The following LINGO2 variants were observed in gnomAD, a reference collection of about 807,000 sequenced individuals.
LINGO2 encodes the protein leucine-rich repeat and immunoglobulin-like domain-containing nogo receptor-interacting protein 2.
In LINGO2, 14 loss-of-function variants were observed where a neutral mutation model predicts 30.6. The ratio of observed to expected loss-of-function variants is 0.46; its 90% confidence interval spans 0.30 to 0.72. The LOEUF is 0.72. Ranked by LOEUF, LINGO2 falls within the 30% of genes least tolerant of loss-of-function variation. The pLI is 0.07. For synonymous variants in LINGO2, 317 were observed against 288.5 expected (o/e 1.10, Z -1.00); for missense variants, 729 against 751.7 (o/e 0.97, Z 0.35).
chr9:28,148,398 A>T lies in LINGO2; in HGVS notation c.-86-135993T>A. On this transcript the variant is annotated intron_variant, in intron 4 of 5. Transcript: ENST00000379992. This position sits in a 1 kb window ranked among gnomAD's most constrained non-coding sequence, Gnocchi z 5.1. ...TTTAACCTTCAACTTCCTTCATTAG[A>T]TGAGCAGGTGATCCCAGCCAGGCTC... The T allele has an allele frequency of 4.0e-6, 5 of 1,257,224 alleles. No homozygotes were observed. Among genetic ancestry groups the T allele is most frequent in the East Asian group, 2.5e-5 (1 of 39,476 alleles). The allele number at this position is 1,257,224 out of a possible 1,614,324, so 77.9% of individuals were successfully genotyped here. A position where few individuals can be genotyped will look rare whatever the true frequency, so the allele number is the denominator to read the frequency against.
chr9:28,419,147 G>A (rs1248265019), intron 2 of LINGO2, among the ~76,000 whole-genome samples: 5 of 151,788 alleles, frequency 3.3e-5, no homozygotes, highest in East Asian at 1.9e-4. Context: ...TTTATAGTTC[G>A]TGTTGTTTTA....
At chr9:28,897,808 G>T in the LINGO2 span, among the ~76,000 whole-genome samples, 2 of 152,044 alleles carry the variant, frequency 1.3e-5, no homozygotes, top group Non-Finnish European at 2.9e-5. Context: ...TCCCACTTAT[G>T]AAATTTTCTA....
At chr9:28,784,163 G>A in the LINGO2 span, among the ~76,000 whole-genome samples, 1 of 152,222 alleles carries the variant, frequency 6.6e-6, no homozygotes, top group Non-Finnish European at 1.5e-5. Flanking sequence ...TAACTTTGCA[G>A]AGGCAACTGT....
chr9:28,414,064 T>C (rs1230573354), intron 2 of LINGO2, among the ~76,000 whole-genome samples: 1 of 152,070 alleles, frequency 6.6e-6, no homozygotes, highest in Non-Finnish European at 1.5e-5. Flanking sequence ...AAGCAGCAGC[T>C]TGTTTTTTAA....
chr9:29,019,066 G>T, the LINGO2 span, among the ~76,000 whole-genome samples: 4 of 151,988 alleles, frequency 2.6e-5, no homozygotes, highest in Admixed American at 6.6e-5. Context: ...ATATATATGT[G>T]TATTGTGCTG....
the LINGO2 span, among the ~76,000 whole-genome samples, chr9:28,901,136 C>T: frequency 1.3e-5 from 2 of 151,916 alleles, no homozygotes; most frequent in African/African-American, 4.8e-5. Context: ...TACTATAAAC[C>T]TTATAGACCA....
At chr9:29,018,571 T>C in the LINGO2 span, among the ~76,000 whole-genome samples, 2 of 152,132 alleles carry the variant, frequency 1.3e-5, no homozygotes, top group Non-Finnish European at 2.9e-5. Flanking sequence ...AAATAGTCAT[T>C]ATCATCCCTA....
intron 4 of LINGO2, among the ~76,000 whole-genome samples, chr9:28,182,239 G>T (rs550898365): frequency 6.6e-6 from 1 of 152,270 alleles, no homozygotes; most frequent in African/African-American, 2.4e-5. Context: ...AATAAATGGT[G>T]CTGGGAAAAC....
At chr9:29,121,684 C>CA in the LINGO2 span, among the ~76,000 whole-genome samples, 4 of 152,068 alleles carry the variant, frequency 2.6e-5, no homozygotes, top group East Asian at 7.7e-4. Flanking sequence ...TCCATATGAT[C>CA]AACAACAAAA....
At chr9:28,415,763 A>G (rs976004040) in intron 2 of LINGO2, among the ~76,000 whole-genome samples, 3 of 152,228 alleles carry the variant, frequency 2.0e-5, no homozygotes, top group Non-Finnish European at 4.4e-5. Flanking sequence ...AAAAAGTGTT[A>G]TACTATATGT....
the LINGO2 span, among the ~76,000 whole-genome samples, chr9:28,839,132 C>A: frequency 2.0e-5 from 3 of 152,198 alleles, no homozygotes; most frequent in Admixed American, 1.3e-4. Flanking sequence ...CCCCAAGGGG[C>A]TGCAGCTCTT....
At chr9:27,956,085 C>T (rs1325450633) in intron 5 of LINGO2, among the ~76,000 whole-genome samples, 2 of 151,702 alleles carry the variant, frequency 1.3e-5, no homozygotes, top group Non-Finnish European at 2.9e-5. Context: ...GATCACAAGG[C>T]GTGCGCCACC....
the LINGO2 span, among the ~76,000 whole-genome samples, chr9:29,200,833 T>C: frequency 1.3e-5 from 2 of 152,130 alleles, no homozygotes; most frequent in African/African-American, 2.4e-5. Context: ...TCTCAGACTT[T>C]CCTTGTTTTT....
the LINGO2 span, among the ~76,000 whole-genome samples, chr9:28,686,672 C>T: frequency 6.6e-6 from 1 of 152,004 alleles, no homozygotes; most frequent in African/African-American, 2.4e-5. Flanking sequence ...TACACCTAGT[C>T]CTATATTTTA....
At chr9:28,516,302 C>G (rs539390143) in intron 1 of LINGO2, among the ~76,000 whole-genome samples, 1 of 152,196 alleles carries the variant, frequency 6.6e-6, no homozygotes, top group Admixed American at 6.5e-5. Context: ...TAGGTAGGAT[C>G]ATTTCAAAAT....
At chr9:28,426,865 A>T (rs1463565388) in intron 2 of LINGO2, among the ~76,000 whole-genome samples, 2 of 152,090 alleles carry the variant, frequency 1.3e-5, no homozygotes, top group Non-Finnish European at 2.9e-5. Context: ...AACAATCAAG[A>T]TACACTTCAG....
chr9:28,154,528 G>A (rs1438374857), intron 4 of LINGO2, among the ~76,000 whole-genome samples: 1 of 152,084 alleles, frequency 6.6e-6, no homozygotes. Context: ...CTGTAATGGA[G>A]GAAATGAGGG....
chr9:28,268,287 C>T (rs1822823422), intron 4 of LINGO2, among the ~76,000 whole-genome samples: 1 of 151,886 alleles, frequency 6.6e-6, no homozygotes, highest in African/African-American at 2.4e-5. Context: ...AAGATAGATG[C>T]AATTTTGAAC....
chr9:28,349,124 T>C (rs1402307997), intron 3 of LINGO2, among the ~76,000 whole-genome samples: 5 of 152,138 alleles, frequency 3.3e-5, no homozygotes, highest in African/African-American at 4.8e-5. Context: ...AGTTCCTCAC[T>C]AGCAACGGAA....
Sources: allele counts gnomAD v4.1 joint callset (sites outside exome capture counted in the v4.1 genomes callset), GRCh38; gene constraint gnomAD v4.1.1; non-coding constraint Gnocchi (gnomAD v3.1); transcripts MANE v1.5; gene names NCBI Gene and HGNC (gene_info 2026-07-23, HGNC 2026-07-21).